The following ZNF710 variants were observed in gnomAD, a reference collection of about 807,000 sequenced individuals.
The protein encoded by ZNF710 is zinc finger protein 710.
In ZNF710, 13 loss-of-function variants were observed where a neutral mutation model predicts 50.6. The ratio of observed to expected loss-of-function variants is 0.26; its 90% CI spans 0.17 to 0.41. ZNF710 has a LOEUF of 0.41. Among genes scored for constraint, ZNF710 ranks in the 10% least tolerant of loss-of-function variants. The pLI is 1.00. For synonymous variants in ZNF710, 383 were observed against 397.0 expected, an observed-to-expected ratio of 0.96 and a Z score of 0.42; for missense variants, 721 against 936.6, an observed-to-expected ratio of 0.77 and a Z score of 3.01.
In ZNF710 at chr15:90,080,548, A is replaced by AG; in HGVS notation, c.*724dup. On this transcript the variant is annotated 3_prime_UTR_variant, in exon 5 of 5. Transcript: ENST00000268154. ...TCGACCCTAGCTGGAGTGCCTCACC[A>AG]GGGGGCCCCACTAGGAACAAAGCCA... 1 of 152,760 alleles carries AG rather than the reference A, an allele frequency of 6.5e-6. No homozygotes were observed. The highest frequency in any genetic ancestry group is 1.5e-5 in the Non-Finnish European group (1 of 68,156). 9.5% of individuals were successfully genotyped at this position (152,760 alleles called of 1,614,324 possible).
chr15:90,008,427 T>TGTATATATATACATATATATATAC (rs1491372581), intron 1 of ZNF710, among the ~76,000 whole-genome samples: 4 of 135,084 alleles, frequency 3.0e-5, no homozygotes, highest in African/African-American at 1.3e-4. Flanking sequence ...TGTGTGTGTG[T>TGTATATATATACATATATATATAC]ATATATATAT....
upstream of ZNF710, among the ~76,000 whole-genome samples, chr15:90,000,198 G>A (rs574599105): frequency 2.0e-5 from 3 of 152,390 alleles, no homozygotes; most frequent in South Asian, 6.2e-4. Context: ...CGAGGACAGA[G>A]CAGGTCTTGG....
Position 90,067,537 on chromosome 15 carries a change from G to T in ZNF710, c.400G>T (p.Gly134Trp). 1 of 1,613,032 alleles carries T rather than the reference G, an allele frequency of 6.2e-7. No individual in the cohort carries two copies. The change falls in exon 2 of 5, where the codon GGG (glycine) becomes TGG (tryptophan). Residue 134 changes from glycine (G) to tryptophan (W), a missense_variant. Transcript: ENST00000268154. The surrounding 1 kb of genome is among the most constrained non-coding windows in gnomAD (Gnocchi z 8.1). ...TGTGCCAGGTGACGACAAGGACGCA[G>T]GGCCAGCAGAAGCCCCCGCCGAGGC... ...VSVPGDDKDA[G>W]PAEAPAEAAS...
intron 1 of ZNF710, chr15:90,025,988 A>G (rs1007156988): frequency 6.6e-6 from 1 of 152,174 alleles, no homozygotes; most frequent in Non-Finnish European, 1.5e-5. Context: ...TTATTATTAA[A>G]AAGGGAGAGA....
At chr15:90,006,676 C>T (rs2151458303) in intron 1 of ZNF710, 1 of 153,752 alleles carries the variant, frequency 6.5e-6, no homozygotes, top group Non-Finnish European at 1.5e-5. Flanking sequence ...GATGAAGAGG[C>T]TTTAACCAGG....
chr15:90,017,943 T>G (rs2151471176), intron 1 of ZNF710, among the ~76,000 whole-genome samples: 1 of 151,940 alleles, frequency 6.6e-6, no homozygotes, highest in East Asian at 1.9e-4. Flanking sequence ...GGAATCTCCT[T>G]CCTTGGGCTC....
At chr15:90,015,888 C>T (rs934257946) in intron 1 of ZNF710, among the ~76,000 whole-genome samples, 4 of 152,142 alleles carry the variant, frequency 2.6e-5, no homozygotes, top group Admixed American at 6.5e-5. Flanking sequence ...GGATTACAGG[C>T]GTGAGTCACC....
chr15:90,079,689 C>CCTT lies in ZNF710; in HGVS notation c.1857_1859dup (p.Ser620dup), dbSNP rs780900172. ...CATGATGGAGCTGACAGGCACTGAC[C>CCTT]CTTCAGAGCTCGACGGCCAGCAGGA... is the stretch of plus-strand genomic sequence containing the variant. On this transcript the variant is annotated inframe_insertion, in exon 5 of 5. Coordinates refer to ENST00000268154, the MANE Select transcript of ZNF710 (RefSeq NM_198526.4). 3.7e-6 allele frequency: 6 copies of CCTT among 1,613,946 alleles called. No homozygotes were observed. In the South Asian group the frequency reaches 6.6e-5, roughly 18 times the overall value.
At chr15:90,015,259 G>T (rs1266305945) in intron 1 of ZNF710, among the ~76,000 whole-genome samples, 1 of 152,186 alleles carries the variant, frequency 6.6e-6, no homozygotes, top group Non-Finnish European at 1.5e-5. Flanking sequence ...AACCATATGA[G>T]AATGTGAGAG....
At chr15:90,071,247 G>A (rs1003675355) in intron 2 of ZNF710, among the ~76,000 whole-genome samples, 1 of 138,810 alleles carries the variant, frequency 7.2e-6, no homozygotes, top group Non-Finnish European at 1.5e-5. Context: ...GGCAACAAAA[G>A]CAAGACTCTG....
Position 90,001,478 on chromosome 15 carries a change from G to T in ZNF710, c.-165G>T. 1 of 151,890 alleles carries T rather than the reference G, an allele frequency of 6.6e-6. No individual in the cohort carries two copies. The highest frequency in any genetic ancestry group is 1.9e-4 in the South Asian group (1 of 5,232). 9.4% of individuals were successfully genotyped at this position (151,890 alleles called of 1,614,324 possible). A position where few individuals can be genotyped will look rare whatever the true frequency, so the allele number is the denominator to read the frequency against. On this transcript the variant is annotated 5_prime_UTR_variant, in exon 1 of 5. Coordinates refer to ENST00000268154, the MANE Select transcript of ZNF710 (RefSeq NM_198526.4). ...AGAGGAGCCGGAGGGAGGGCGGCAG[G>T]AGCAGGCGGCGGGCGCGCGTGGAGG...
intron 1 of ZNF710, among the ~76,000 whole-genome samples, chr15:90,052,288 C>T (rs1411809737): frequency 1.3e-5 from 2 of 152,288 alleles, no homozygotes; most frequent in African/African-American, 4.8e-5. Flanking sequence ...CATTTTCCAC[C>T]AGTGCATCTC....
chr15:90,038,173 G>A (rs1194613563), intron 1 of ZNF710, among the ~76,000 whole-genome samples: 1 of 152,190 alleles, frequency 6.6e-6, no homozygotes, highest in Non-Finnish European at 1.5e-5. Flanking sequence ...TGCAGATCAG[G>A]AGCACTGTAG....
intron 1 of ZNF710, among the ~76,000 whole-genome samples, chr15:90,041,646 C>A (rs377366338): frequency 6.6e-6 from 1 of 152,186 alleles, no homozygotes; most frequent in African/African-American, 2.4e-5. Context: ...CTAACGCAGC[C>A]TTTACACACC....
At chr15:90,008,061 A>G (rs769985040) in intron 1 of ZNF710, among the ~76,000 whole-genome samples, 2 of 152,136 alleles carry the variant, frequency 1.3e-5, no homozygotes, top group Non-Finnish European at 2.9e-5. Flanking sequence ...CCCTTAAATC[A>G]GGGAGGTAAG....
chr15:90,040,533 C>T lies in ZNF710; in HGVS notation c.-28-26577C>T, dbSNP rs920043981. On this transcript the variant is annotated intron_variant, in intron 1 of 4. Transcript: ENST00000268154. This position sits in a 1 kb window ranked among gnomAD's most constrained non-coding sequence, Gnocchi z 4.6. Reference sequence around the variant, plus strand: ...CCTTCTGTTTCTTGGCTTAATGCTCCGGGAGTTCACAGTGATCCCGATTTG... The same window carrying T: ...CCTTCTGTTTCTTGGCTTAATGCTCTGGGAGTTCACAGTGATCCCGATTTG... Among the ~76,000 whole-genome samples, 14 of 152,266 alleles carry T rather than the reference C, an allele frequency of 9.2e-5. No individual in the cohort carries two copies. The highest frequency in any genetic ancestry group is 2.9e-4 in the African/African-American group (12 of 41,548).
Position 90,035,718 on chromosome 15 carries a change from G to A in ZNF710, c.-28-31392G>A, listed in dbSNP as rs114583197. 4.6e-5 allele frequency among the ~76,000 whole-genome samples: 7 copies of A among 152,214 alleles called. No individual in the cohort carries two copies. In the East Asian group the frequency reaches 5.8e-4, roughly 13 times the overall value. On this transcript the variant is annotated intron_variant, in intron 1 of 4. Coordinates refer to ENST00000268154, the MANE Select transcript of ZNF710 (RefSeq NM_198526.4). ...TGGATAGCAAACAGCGATCAGCAGC[G>A]GAGCCAGCCTGCTGCCTTCCTGCAC...
At chr15:90,061,191 A>G (rs1378489332) in intron 1 of ZNF710, among the ~76,000 whole-genome samples, 1 of 150,634 alleles carries the variant, frequency 6.6e-6, no homozygotes, top group Non-Finnish European at 1.5e-5. Flanking sequence ...GTTTTTTGAG[A>G]CAGGGTTTCA....
At chr15:90,064,271 T>C (rs1900102042) in intron 1 of ZNF710, among the ~76,000 whole-genome samples, 2 of 152,236 alleles carry the variant, frequency 1.3e-5, no homozygotes, top group South Asian at 2.1e-4. Flanking sequence ...GCAGGACCCC[T>C]GCCTCATTCA....
Sources: allele counts gnomAD v4.1 joint callset (sites outside exome capture counted in the v4.1 genomes callset), GRCh38; gene constraint gnomAD v4.1.1; non-coding constraint Gnocchi (gnomAD v3.1); transcripts MANE v1.5; gene names NCBI Gene and HGNC (gene_info 2026-07-23, HGNC 2026-07-21).